The following CERS3 variants were observed in gnomAD, a reference collection of about 807,000 sequenced individuals.
CERS3 encodes the protein ceramide synthase 3.
CERS3 carries 33 observed loss-of-function variants against 50.3 expected under a neutral mutation model. The observed-to-expected ratio is 0.66, with a 90% CI of 0.50 to 0.88. The LOEUF is 0.88. Among genes scored for constraint, CERS3 ranks in the 40% least tolerant of loss-of-function variants. The pLI, the probability that CERS3 is intolerant of heterozygous loss-of-function variation, is 0.00. For synonymous variants in CERS3, 176 were observed against 155.2 expected (o/e 1.13, Z -0.99); for missense variants, 470 against 460.3 (o/e 1.02, Z -0.19).
At chr15:100,436,942 C>CTTTTTTTTT (rs755700746) in intron 11 of CERS3, among the ~76,000 whole-genome samples, 2 of 129,600 alleles carry the variant, frequency 1.5e-5, no homozygotes, top group Admixed American at 1.6e-4. Context: ...TCTTTCCTGA[C>CTTTTTTTTT]TTTTTTTTTT....
chr15:100,412,485 T>G (rs2031568456), intron 11 of CERS3, among the ~76,000 whole-genome samples: 1 of 152,200 alleles, frequency 6.6e-6, no homozygotes, highest in African/African-American at 2.4e-5. Context: ...ATCAGGAAGT[T>G]TGAGTACTTC....
chr15:100,443,167 C>A (rs12913523), intron 11 of CERS3, among the ~76,000 whole-genome samples: 1 of 147,932 alleles, frequency 6.8e-6, no homozygotes, highest in African/African-American at 2.5e-5. Context: ...CTCTTGTATC[C>A]CCCTACCTTA....
rs555815354 is a variant in CERS3 at position 100,535,849 on chromosome 15, G to A, written c.-354-6774C>T. ...GACATCCCTATGCTCATATGTGCAC[G>A]GGAAGTGGGGACATCCCTGTGCTCA... On this transcript the variant is annotated intron_variant, in intron 1 of 12. Coordinates refer to the CERS3 transcript ENST00000284382. Among the ~76,000 whole-genome samples the A allele has an allele frequency of 6.6e-3, 504 of 76,126 alleles. 36 individuals are homozygous for A. The highest frequency in any genetic ancestry group is 0.037 in the South Asian group (53 of 1,414). The allele number at this position is 76,126 out of a possible 152,430, so 49.9% of individuals were successfully genotyped here.
At chr15:100,404,467 A>T (rs2142041099) in intron 11 of CERS3, among the ~76,000 whole-genome samples, 1 of 152,350 alleles carries the variant, frequency 6.6e-6, no homozygotes, top group East Asian at 1.9e-4. Context: ...TTTGAAAGAA[A>T]TCAAAGAAGA....
chr15:100,496,712 A>C (rs1281548342), intron 3 of CERS3, among the ~76,000 whole-genome samples: 1 of 152,158 alleles, frequency 6.6e-6, no homozygotes, highest in South Asian at 2.1e-4. Context: ...AGATTTCCTT[A>C]TTCTTCCTTC....
intron 11 of CERS3, among the ~76,000 whole-genome samples, chr15:100,409,539 G>T (rs887712775): frequency 6.6e-5 from 10 of 152,118 alleles, no homozygotes; most frequent in African/African-American, 2.4e-4. Flanking sequence ...ATAGAAATTA[G>T]AAACAAAATC....
Position 100,540,100 on chromosome 15 carries a change from G to A in CERS3, c.-355+4551C>T, listed in dbSNP as rs546096646. ...CTGAAGTTCAATCCCTACCCCATGT[G>A]CCCCACCTTACTGTCCACCAAACCC... On this transcript the variant is annotated intron_variant, in intron 1 of 12. Coordinates refer to the CERS3 transcript ENST00000284382. Among the ~76,000 whole-genome samples the A allele has an allele frequency of 1.2e-4, 18 of 152,176 alleles. No homozygotes were observed. In the South Asian group the frequency reaches 2.3e-3, roughly 19 times the overall value.
intron 11 of CERS3, among the ~76,000 whole-genome samples, chr15:100,416,457 T>A (rs1431250159): frequency 6.6e-6 from 1 of 152,204 alleles, no homozygotes; most frequent in East Asian, 1.9e-4. Context: ...TTGCAAACTG[T>A]GTATTAGTCC....
rs145892233 is a variant in CERS3 at position 100,499,896 on chromosome 15, G to A, written c.173+1781C>T. Among the ~76,000 whole-genome samples the A allele has an allele frequency of 5.3e-4, 80 of 152,234 alleles. No homozygotes were observed. The East Asian group carries it at 0.012, about 24-fold the overall frequency. On this transcript the variant is annotated intron_variant, in intron 3 of 11. Coordinates refer to ENST00000679737, the MANE Select transcript of CERS3 (RefSeq NM_001378789.1). ...ACCCTAAACCTGAGCTCATGGGTTC[G>A]AGTCCCAGATCCATCCCCTTACATG... is the stretch of plus-strand genomic sequence containing the variant.
At chr15:100,492,557 T>A (rs2035684829) in intron 3 of CERS3, among the ~76,000 whole-genome samples, 1 of 152,236 alleles carries the variant, frequency 6.6e-6, no homozygotes, top group South Asian at 2.1e-4. Flanking sequence ...GCATGGTATA[T>A]CTTTTTCCAT....
chr15:100,429,724 C>G (rs775898665), intron 11 of CERS3, among the ~76,000 whole-genome samples: 1 of 152,158 alleles, frequency 6.6e-6, no homozygotes, highest in Non-Finnish European at 1.5e-5. Flanking sequence ...TCACATGACA[C>G]AGCACGGAAA....
chr15:100,525,582 C>A (rs1429832599), intron 1 of CERS3, among the ~76,000 whole-genome samples: 1 of 152,154 alleles, frequency 6.6e-6, no homozygotes, highest in Non-Finnish European at 1.5e-5. Flanking sequence ...ATCTGTCCAC[C>A]ATCAACAGAA....
chr15:100,494,078 T>C (rs978991026), intron 3 of CERS3, among the ~76,000 whole-genome samples: 1 of 151,578 alleles, frequency 6.6e-6, no homozygotes, highest in African/African-American at 2.4e-5. Flanking sequence ...TCATAAGTTT[T>C]TGTTGAAAAT....
chr15:100,447,378 G>A (rs772755408), intron 11 of CERS3, among the ~76,000 whole-genome samples: 3 of 152,070 alleles, frequency 2.0e-5, no homozygotes, highest in Admixed American at 6.5e-5. Flanking sequence ...CAGTTGTCTT[G>A]CCTTTCCAGA....
At chr15:100,468,591 G>A (rs1254140222) in intron 10 of CERS3, among the ~76,000 whole-genome samples, 1 of 152,108 alleles carries the variant, frequency 6.6e-6, no homozygotes, top group African/African-American at 2.4e-5. Context: ...ACAGCACTAA[G>A]TCTTCTGTTT....
intron 11 of CERS3, among the ~76,000 whole-genome samples, chr15:100,441,336 CTTA>C (rs1042758732): frequency 1.8e-4 from 28 of 151,900 alleles, no homozygotes; most frequent in African/African-American, 6.8e-4. Flanking sequence ...GCCCCGATCC[CTTA>C]TTTCCATGCC....
chr15:100,435,154 A>T (rs2033340280), intron 11 of CERS3, among the ~76,000 whole-genome samples: 1 of 152,184 alleles, frequency 6.6e-6, no homozygotes. Context: ...TGGCCAAACG[A>T]CTTGGGTAGC....
chr15:100,525,030 CA>C (rs1044852069), intron 1 of CERS3, among the ~76,000 whole-genome samples: 5 of 152,116 alleles, frequency 3.3e-5, no homozygotes, highest in African/African-American at 1.2e-4. Context: ...TTTACCTCTC[CA>C]AATAACCTAA....
intron 11 of CERS3, among the ~76,000 whole-genome samples, chr15:100,423,097 T>C (rs3079225): frequency 0.58 from 85,122 of 147,264 alleles, 24,482 homozygotes; most frequent in Non-Finnish European, 0.6. Context: ...AAAAAAAAAA[T>C]GTTAAAAAAA....
Sources: allele counts gnomAD v4.1 joint callset (sites outside exome capture counted in the v4.1 genomes callset), GRCh38; gene constraint gnomAD v4.1.1; transcripts MANE v1.5; gene names NCBI Gene and HGNC (gene_info 2026-07-23, HGNC 2026-07-21).